The following ELFN2 variants were observed in gnomAD, a reference collection of about 807,000 sequenced individuals.
The protein encoded by ELFN2 is protein phosphatase 1 regulatory subunit 29.
A neutral mutation model predicts 45.5 loss-of-function variants in ELFN2; 17 were observed. The observed-to-expected ratio is 0.37, with a 90% CI of 0.26 to 0.56. The LOEUF is 0.56. ELFN2 is among the 20% of genes least tolerant of loss of function. The pLI is 0.77. For missense variants in ELFN2, 922 were observed against 1,183.2 expected (o/e 0.78, Z 3.24); for synonymous variants, 550 against 551.5 (o/e 1.00, Z 0.04).
At chr22:37,423,953 G>A (rs1414826812) in intron 1 of ELFN2, among the ~76,000 whole-genome samples, 1 of 152,190 alleles carries the variant, frequency 6.6e-6, no homozygotes, top group Non-Finnish European at 1.5e-5. Context: ...ATCAGGGATT[G>A]GGCTGGGACG....
intron 2 of ELFN2, among the ~76,000 whole-genome samples, chr22:37,412,277 CAAA>C (rs56073200): frequency 8.7e-5 from 8 of 92,300 alleles, no homozygotes; most frequent in Admixed American, 2.3e-4. Context: ...AACTCCGTCT[CAAA>C]AAAAAAAAAA....
At chr22:37,410,833 C>T (rs1180881888) in intron 2 of ELFN2, among the ~76,000 whole-genome samples, 6 of 152,202 alleles carry the variant, frequency 3.9e-5, no homozygotes, top group African/African-American at 1.4e-4. Flanking sequence ...CAAAGCCCAT[C>T]GGCTCCTTCC....
chr22:37,350,040 C>A (rs553296534), intron 1 of ELFN2, among the ~76,000 whole-genome samples: 1 of 150,788 alleles, frequency 6.6e-6, no homozygotes, highest in African/African-American at 2.4e-5. Context: ...GCAGTGGGGA[C>A]GGGGTGTGAG....
rs1931555609 is a variant in ELFN2 at position 37,375,571 on chromosome 22, G to A, written c.-37C>T. On this transcript the variant is annotated 5_prime_UTR_variant, in exon 3 of 3. Transcript: ENST00000402918. ...CGGAGTGAGGGGCCAGGGCAAGGCA[G>A]GGGGTGCCTAGCGGCCAGAGGCTGG... is the stretch of plus-strand genomic sequence containing the variant. The A allele has an allele frequency of 4.7e-6, 7 of 1,500,024 alleles. No homozygotes were observed. Among genetic ancestry groups the A allele is most frequent in the African/African-American group, 1.4e-5 (1 of 71,546 alleles). 92.9% of individuals were successfully genotyped at this position (1,500,024 alleles called of 1,614,324 possible). A position where few individuals can be genotyped will look rare whatever the true frequency, so the allele number is the denominator to read the frequency against.
chr22:37,400,629 C>G (rs965348427), intron 2 of ELFN2, among the ~76,000 whole-genome samples: 1 of 152,210 alleles, frequency 6.6e-6, no homozygotes, highest in Non-Finnish European at 1.5e-5. Flanking sequence ...CACCCACCCT[C>G]GGTGGGCACG....
At chr22:37,398,498 G>GC (rs900410608) in intron 2 of ELFN2, among the ~76,000 whole-genome samples, 1 of 144,278 alleles carries the variant, frequency 6.9e-6, no homozygotes, top group African/African-American at 2.6e-5. Context: ...CCCCAGTAAA[G>GC]CCCCCCAGCA....
chr22:37,353,797 CT>C (rs1422228066), intron 1 of ELFN2: 2 of 151,072 alleles, frequency 1.3e-5, no homozygotes, highest in African/African-American at 4.8e-5. Context: ...CCAGGCGGAA[CT>C]TTCATCTCTG....
At chr22:37,427,061 C>T (rs1569147028) in intron 1 of ELFN2, 1 of 152,916 alleles carries the variant, frequency 6.5e-6, no homozygotes, top group Non-Finnish European at 1.5e-5. Flanking sequence ...CCCACCGCCT[C>T]CGCCCACCGC....
At chr22:37,357,103 C>A (rs528594463) in intron 1 of ELFN2, among the ~76,000 whole-genome samples, 1 of 148,588 alleles carries the variant, frequency 6.7e-6, no homozygotes, top group Non-Finnish European at 1.5e-5. Flanking sequence ...GGATCTCTGT[C>A]CCCAAGGTCT....
chr22:37,354,447 G>C (rs1240542868), intron 1 of ELFN2: 1 of 152,124 alleles, frequency 6.6e-6, no homozygotes, highest in Non-Finnish European at 1.5e-5. Flanking sequence ...TAAAAGGAAT[G>C]ACCACTCCCT....
intron 2 of ELFN2, among the ~76,000 whole-genome samples, chr22:37,409,926 C>A (rs1249197199): frequency 6.6e-6 from 1 of 152,126 alleles, no homozygotes; most frequent in Non-Finnish European, 1.5e-5. Flanking sequence ...GGGGAGGAGG[C>A]CTTGGGAACA....
At chr22:37,415,949 C>T (rs534056833) in intron 2 of ELFN2, among the ~76,000 whole-genome samples, 1 of 152,168 alleles carries the variant, frequency 6.6e-6, no homozygotes, top group Non-Finnish European at 1.5e-5. Context: ...GGTGACAGAG[C>T]GAGACTCCGT....
chr22:37,351,652 G>A (rs954009742), intron 1 of ELFN2, among the ~76,000 whole-genome samples: 2 of 149,804 alleles, frequency 1.3e-5, no homozygotes, highest in African/African-American at 2.4e-5. Context: ...GCTGGGACTC[G>A]AGACCTGCGT....
chr22:37,420,029 G>A (rs1039925831), intron 1 of ELFN2, among the ~76,000 whole-genome samples: 6 of 152,188 alleles, frequency 3.9e-5, no homozygotes, highest in Non-Finnish European at 7.3e-5. Context: ...CTAAACACAG[G>A]CAAGTAAGGA....
Position 37,370,569 on chromosome 22 carries a change from G to A in ELFN2, c.*2503C>T, listed in dbSNP as rs572088315. On this transcript the variant is annotated 3_prime_UTR_variant, in exon 3 of 3. Coordinates refer to ENST00000402918, the MANE Select transcript of ELFN2 (RefSeq NM_052906.5). The stretch of plus-strand genomic sequence containing the variant: ...AGGCTTCCCTGGGGCTGCCCTCCCT[G>A]GCATGGAGGAGGGGAAGGAACTGGG... 1 of 152,826 alleles carries A rather than the reference G, an allele frequency of 6.5e-6. No homozygotes were observed. The highest frequency in any genetic ancestry group is 2.1e-4 in the South Asian group (1 of 4,824). The allele number at this position is 152,826 out of a possible 1,614,324, so 9.5% of individuals were successfully genotyped here.
intron 2 of ELFN2, among the ~76,000 whole-genome samples, chr22:37,376,677 G>A (rs1050405539): frequency 2.0e-5 from 3 of 152,300 alleles, no homozygotes; most frequent in Middle Eastern, 3.4e-3. Flanking sequence ...CACAGAAGCC[G>A]GGGTCTCCCA....
intron 1 of ELFN2, chr22:37,354,656 ATCTTATGGGGT>A (rs1930907967): frequency 6.9e-6 from 1 of 145,680 alleles, no homozygotes. Flanking sequence ...ATCCTACCAT[ATCTTATGGGGT>A]TCTTATGGGG....
chr22:37,387,299 C>T (rs1255423964), intron 2 of ELFN2, among the ~76,000 whole-genome samples: 1 of 152,166 alleles, frequency 6.6e-6, no homozygotes, highest in East Asian at 1.9e-4. Context: ...TTATAATTAA[C>T]GAATTATCTC....
At chr22:37,378,820 AG>A (rs1806173570) in intron 2 of ELFN2, among the ~76,000 whole-genome samples, 1 of 152,268 alleles carries the variant, frequency 6.6e-6, no homozygotes, top group African/African-American at 2.4e-5. Flanking sequence ...GGGAACAGAG[AG>A]GCCAAGGCAG....
Sources: allele counts gnomAD v4.1 joint callset (sites outside exome capture counted in the v4.1 genomes callset), GRCh38; gene constraint gnomAD v4.1.1; transcripts MANE v1.5; gene names NCBI Gene and HGNC (gene_info 2026-07-23, HGNC 2026-07-21).